ERN2: variants seen among roughly 807,000 people sequenced by gnomAD.
ERN2 encodes endoplasmic reticulum to nucleus signaling 2.
A neutral mutation model predicts 107.9 loss-of-function variants in ERN2; 111 were observed. That is an observed-to-expected ratio of 1.03 (90% CI 0.88 to 1.20). The LOEUF is 1.20. ERN2 is among the 50% of genes most tolerant of loss of function. The pLI, the probability that ERN2 is intolerant of heterozygous loss-of-function variation, is 0.00. For missense variants in ERN2, 1,225 were observed against 1,197.9 expected, an observed-to-expected ratio of 1.02 and a Z score of -0.33; for synonymous variants, 524 against 501.7, an observed-to-expected ratio of 1.04 and a Z score of -0.59.
At chr16:23,709,171 C>T (rs1272285995) in intron 4 of ERN2, 1 of 455,572 alleles carries the variant, frequency 2.2e-6, no homozygotes, top group Admixed American at 2.4e-5. Flanking sequence ...TGGTGTGTAC[C>T]TGTAGTTCCA....
rs561633288 is a variant in ERN2 at position 23,693,599 on chromosome 16, A to AT, written c.2100+1128_2100+1129insA. Among the ~76,000 whole-genome samples the AT allele has an allele frequency of 9.3e-3, 1,259 of 135,086 alleles. 8 individuals are homozygous for AT. Among genetic ancestry groups the AT allele is most frequent in the African/African-American group, 0.019 (624 of 33,422 alleles). 88.6% of individuals were successfully genotyped at this position (135,086 alleles called of 152,430 possible). ...AGCGAAACTCCATCTCAAAAAAAAA[A>AT]AAATATATATATATATAGGCCACTA... On this transcript the variant is annotated intron_variant, in intron 17 of 21. Coordinates refer to ENST00000256797, the MANE Select transcript of ERN2 (RefSeq NM_033266.4).
intron 6 of ERN2, 53 bp from the exon 7 acceptor site, chr16:23,706,484 A>T: frequency 7.5e-7 from 1 of 1,332,020 alleles, no homozygotes; most frequent in Middle Eastern, 1.8e-4. Flanking sequence ...TGCTCCCTCC[A>T]ACCCCAGGGG....
chr16:23,712,806 G>GC (rs1960595760), intron 1 of ERN2: 1 of 388,900 alleles, frequency 2.6e-6, no homozygotes, highest in Non-Finnish European at 4.5e-6. Flanking sequence ...GTGCCCAGGT[G>GC]CCCCCCTACC....
intron 2 of ERN2, 96 bp from the exon 3 acceptor site, chr16:23,710,645 C>A: frequency 7.2e-7 from 1 of 1,393,646 alleles, no homozygotes; most frequent in South Asian, 1.2e-5. Flanking sequence ...ACTGTGATGT[C>A]AAGCACTTGG....
chr16:23,712,966 G>A, intron 1 of ERN2, 129 bp downstream of exon 1: 1 of 698,524 alleles, frequency 1.4e-6, no homozygotes, highest in Non-Finnish European at 2.2e-6. Context: ...GGCCGAGTTG[G>A]GACCACCCAG....
chr16:23,695,902 G>GA lies in ERN2; in HGVS notation c.1601dup (p.Val535ArgfsTer7), dbSNP rs1567245405. ...TCCTGGCTGCCACTCACCGGAAAACGAAAGTCCCGCCTGCCCCGCGGCCCA... is the reference window on the plus strand; with the variant it reads ...TCCTGGCTGCCACTCACCGGAAAACGAAAAGTCCCGCCTGCCCCGCGGCCCA... On this transcript the variant is annotated frameshift_variant, in exon 14 of 22. Coordinates refer to ENST00000256797, the MANE Select transcript of ERN2 (RefSeq NM_033266.4). LOFTEE classifies it high-confidence loss of function. 1 of 1,613,866 alleles carries GA rather than the reference G, an allele frequency of 6.2e-7. No homozygotes were observed. Among genetic ancestry groups the GA allele is most frequent in the South Asian group, 1.1e-5 (1 of 91,062 alleles).
chr16:23,692,291 T>C lies in ERN2; in HGVS notation c.2141A>G (p.Tyr714Cys). The stretch of plus-strand genomic sequence containing the variant: ...GTGGCTGCCACCAGAAAGCACGTAG[T>C]AGAACACGCAGCCTGCAGAGAAGAT... The part of the protein sequence containing the change: ...VDIFSAGCVF[Y>C]YVLSGGSHPF... The change falls in exon 18 of 22, where the codon TAC becomes TGC. Residue 714 changes from tyrosine (Y) to cysteine (C), a missense_variant. Coordinates refer to ENST00000256797, the MANE Select transcript of ERN2 (RefSeq NM_033266.4). The C allele has an allele frequency of 6.2e-7, 1 of 1,613,992 alleles. No homozygotes were observed. The highest frequency in any genetic ancestry group is 8.5e-7 in the Non-Finnish European group (1 of 1,180,020).
intron 14 of ERN2, 148 bp downstream of exon 14, chr16:23,695,746 A>T (rs1959794331): frequency 1.7e-6 from 1 of 577,938 alleles, no homozygotes; most frequent in Admixed American, 3.1e-5. Context: ...AAAAAAAAAA[A>T]ACAGATAAAG....
chr16:23,697,878 C>T (rs1350922236), intron 13 of ERN2, among the ~76,000 whole-genome samples: 2 of 151,752 alleles, frequency 1.3e-5, no homozygotes, highest in African/African-American at 4.8e-5. Context: ...TGCCTCAGCC[C>T]CCCAAGCAGC....
At position 23,695,937 on chromosome 16, in the gene ERN2, T is replaced by C. The variant is rs753143651; in HGVS notation, c.1567A>G (p.Lys523Glu). The change falls in exon 14 of 22, where the codon AAG becomes GAG. Residue 523 changes from lysine (K) to glutamate (E), a missense_variant. Transcript: ENST00000256797. ...CCTGCCCCGCGGCCCAGCACGTCCT[T>C]GGGATTGAAGGAAATCTTCCCCACT... is the stretch of plus-strand genomic sequence containing the variant. ...TVVGKISFNP[K>E]DVLGRGAGGT... 1 of 1,613,988 alleles carries C rather than the reference T, an allele frequency of 6.2e-7. No homozygotes were observed. The highest frequency in any genetic ancestry group is 8.5e-7 in the Non-Finnish European group (1 of 1,180,006).
At chr16:23,700,443 C>G in intron 13 of ERN2, 96 bp downstream of exon 13, 2 of 1,264,586 alleles carry the variant, frequency 1.6e-6, no homozygotes, top group East Asian at 4.7e-5. Flanking sequence ...CCTAACCACC[C>G]CACTATAGTG....
intron 4 of ERN2, chr16:23,709,935 G>C (rs1284964656): frequency 4.1e-6 from 2 of 492,626 alleles, no homozygotes; most frequent in East Asian, 6.8e-5. Context: ...CAGAGTCCTG[G>C]AGAAGGCCCT....
At position 23,690,891 on chromosome 16, in the gene ERN2, C is replaced by T. The variant is rs770326879; in HGVS notation, c.2721G>A (p.Leu907=). ...MRSCASESLF[L]PYYPPDSEAR... is the part of the protein sequence containing the mutation. ...CCTCTGAGTCTGGCGGGTAGTAGGG[C>T]AGGAAGAGGCTCTCAGAGGCGCAGC... is the stretch of plus-strand genomic sequence containing the variant. The change falls in exon 22 of 22, where the codon CTG becomes CTA. Residue 907 remains leucine (L), a synonymous_variant. Transcript: ENST00000256797. 1 of 1,613,994 alleles carries T rather than the reference C, an allele frequency of 6.2e-7. No homozygotes were observed. The highest frequency in any genetic ancestry group is 1.7e-5 in the Admixed American group (1 of 60,032).
intron 4 of ERN2, chr16:23,709,476 T>C (rs1015792673): frequency 4.4e-6 from 1 of 227,106 alleles, no homozygotes. Flanking sequence ...AGAGATGGAA[T>C]CTGTTTTTTC....
intron 1 of ERN2, chr16:23,712,802 A>T: frequency 2.6e-6 from 1 of 384,356 alleles, no homozygotes; most frequent in Non-Finnish European, 4.6e-6. Context: ...TTTCGTGCCC[A>T]GGTGCCCCCC....
At chr16:23,699,115 G>T (rs1959944057) in intron 13 of ERN2, among the ~76,000 whole-genome samples, 1 of 152,120 alleles carries the variant, frequency 6.6e-6, no homozygotes, top group Admixed American at 6.5e-5. Flanking sequence ...CCAGTAAAAT[G>T]ACAAAAACTA....
At chr16:23,697,417 G>C (rs1188406136) in intron 13 of ERN2, 2 of 152,160 alleles carry the variant, frequency 1.3e-5, no homozygotes, top group African/African-American at 4.8e-5. Flanking sequence ...GCAGATCAGA[G>C]AGCAGGGACA....
Position 23,702,218 on chromosome 16 carries a change from G to C in ERN2, c.1137C>G (p.Thr379=), listed in dbSNP as rs775372056. The C allele has an allele frequency of 1.2e-6, 2 of 1,614,128 alleles. No individual in the cohort carries two copies. Among genetic ancestry groups the C allele is most frequent in the South Asian group, 1.1e-5 (1 of 91,082 alleles). The change falls in exon 11 of 22, where the codon ACC becomes ACG. Residue 379 remains threonine (T), a synonymous_variant. Coordinates refer to ENST00000256797, the MANE Select transcript of ERN2 (RefSeq NM_033266.4). ...TTGTCTCTGCAGTTCCACTCCCCAG[G>C]GTGGGATGGACCCTCAGCATGGTGG... ...LHTTMLRVHP[T]LGSGTAETRP...
chr16:23,700,403 A>C lies in ERN2; in HGVS notation c.1525+136T>G, dbSNP rs558683941. 3.5e-5 allele frequency: 28 copies of C among 808,568 alleles called. No individual in the cohort carries two copies. The African/African-American group carries it at 4.3e-4, about 12-fold the overall frequency. The allele number at this position is 808,568 out of a possible 1,614,324, so 50.1% of individuals were successfully genotyped here. A position where few individuals can be genotyped will look rare whatever the true frequency, so the allele number is the denominator to read the frequency against. ...AGTGCTCAATTACGTAGCAGGCTCT[A>C]CTCAAAACACTCTTCTTAATTCATG... On this transcript the variant is annotated intron_variant, in intron 13 of 21. Transcript: ENST00000256797.
Sources: gnomAD v4.1 joint callset for allele counts (sites outside exome capture counted in the v4.1 genomes callset) on GRCh38, gnomAD v4.1.1 for gene constraint, MANE v1.5 for transcripts, NCBI Gene and HGNC (gene_info 2026-07-23, HGNC 2026-07-21) for gene names.